Variants in FAT2 observed in about 807,000 individuals in gnomAD.
FAT2 encodes the protein FAT atypical cadherin 2.
Under a neutral mutation model 295.3 loss-of-function variants are expected in FAT2, and 150 were observed. That is an observed-to-expected ratio of 0.51 (90% CI 0.44 to 0.58). The LOEUF (loss-of-function observed/expected upper bound fraction) is 0.58, where lower values mean the gene tolerates loss of function less well. Among genes scored for constraint, FAT2 ranks in the 20% least tolerant of loss-of-function variants. The pLI, the probability that FAT2 is intolerant of heterozygous loss-of-function variation, is 0.00. For synonymous variants in FAT2, 2,026 were observed against 2,150.3 expected (o/e 0.94, Z 1.60); for missense variants, 4,868 against 5,442.7 (o/e 0.89, Z 3.32).
At position 151,566,219 on chromosome 5, in the gene FAT2, G is replaced by C. The variant is rs369450146; in HGVS notation, c.2713C>G (p.Leu905Val). 1.5e-5 allele frequency: 25 copies of C among 1,614,058 alleles called. No homozygotes were observed. Among genetic ancestry groups the C allele is most frequent in the Non-Finnish European group, 1.9e-5 (22 of 1,180,044 alleles). Residue 905 changes from leucine to valine, a missense_variant, in exon 2 of 24, where the codon CTC becomes GTC. Leu to Val is a conservative substitution (Grantham distance 32, BLOSUM62 1). Transcript: ENST00000261800. ...ARDQPSKGHQ[L>V]FSVTDLIITL... is the part of the protein sequence containing the mutation. ...ATTATCAGGTCAGTGACAGAGAAGA[G>C]CTGGTGGCCTTTGCTGGGCTGATCC...
chr5:151,532,404 CACACA>C (rs1225740774), intron 13 of FAT2, among the ~76,000 whole-genome samples: 1 of 152,012 alleles, frequency 6.6e-6, no homozygotes, highest in Non-Finnish European at 1.5e-5. Context: ...CACACACACA[CACACA>C]CACACACACG....
rs2127641553 is a variant in FAT2 at position 151,563,374 on chromosome 5, G to A, written c.3525C>T (p.Asn1175=). 1 of 1,614,236 alleles carries A rather than the reference G, an allele frequency of 6.2e-7. No homozygotes were observed. The highest frequency in any genetic ancestry group is 8.5e-7 in the Non-Finnish European group (1 of 1,180,032). ...ATCCCATGTAGTTCCCACTGGTGAT[G>A]TTGAAGGTCAGCTTCCCTTTGGAGC... is the stretch of plus-strand genomic sequence containing the variant. ...DSSSKGKLTF[N]ITSGNYMGFF... The change falls in exon 3 of 24, where the codon AAC becomes AAT. Residue 1175 remains asparagine (N), a synonymous_variant. Coordinates refer to ENST00000261800, the MANE Select transcript of FAT2 (RefSeq NM_001447.3).
intron 1 of FAT2, among the ~76,000 whole-genome samples, chr5:151,585,055 T>C (rs1006727473): frequency 1.3e-5 from 2 of 152,186 alleles, no homozygotes; most frequent in Admixed American, 1.3e-4. Context: ...AATGAAATAA[T>C]TTAAGGTAAA....
intron 23 of FAT2, 46 bp downstream of exon 23, chr5:151,507,108 C>G (rs1362024414): frequency 2.0e-6 from 3 of 1,490,440 alleles, no homozygotes; most frequent in Non-Finnish European, 2.7e-6. Flanking sequence ...GAACCACCAC[C>G]CACTTCCATC....
chr5:151,507,015 G>T, intron 23 of FAT2, 139 bp downstream of exon 23: 1 of 715,346 alleles, frequency 1.4e-6, no homozygotes, highest in Non-Finnish European at 2.3e-6. Context: ...CTGTAATCTT[G>T]AACACATCTC....
At chr5:151,517,865 C>A in intron 19 of FAT2, 100 bp from the exon 20 acceptor site, 2 of 1,411,932 alleles carry the variant, frequency 1.4e-6, no homozygotes, top group Non-Finnish European at 2.0e-6. Flanking sequence ...CAGACAGAAT[C>A]ATTGCTCATA....
rs745505451 is a variant in FAT2, at chr5:151,521,847, C to T, written c.10746G>A (p.Ala3582=). 17 of 1,614,190 alleles carry T rather than the reference C, an allele frequency of 1.1e-5. No homozygotes were observed. The highest frequency in any genetic ancestry group is 1.6e-4 in the Middle Eastern group (1 of 6,062). The change falls in exon 19 of 24, where the codon GCG becomes GCA. Residue 3582 remains alanine, a synonymous_variant. Transcript: ENST00000261800. The stretch of plus-strand genomic sequence containing the variant: ...GGGCGGCGATAATCTTGCCATCAGG[C>T]GCACCCACTGAGAAGTGCCTGCCCA... ...ETLGRHFSVG[A]PDGKIIAAQG...
rs1467962442 is a variant in FAT2 at position 151,566,713 on chromosome 5, G to A, written c.2219C>T (p.Thr740Ile). Residue 740 changes from threonine to isoleucine, a missense_variant, in exon 2 of 24, where the codon ACT becomes ATT. Coordinates refer to ENST00000261800, the MANE Select transcript of FAT2 (RefSeq NM_001447.3). Reference protein sequence around the residue: ...INTPLARLAATDPDAGFNGKL... With the variant: ...INTPLARLAAIDPDAGFNGKL... Reference sequence around the variant, plus strand: ...GCCATTAAAACCAGCATCAGGGTCAGTGGCTGCTAGGCGGGCCAAGGGGGT... The same window carrying A: ...GCCATTAAAACCAGCATCAGGGTCAATGGCTGCTAGGCGGGCCAAGGGGGT... The A allele has an allele frequency of 6.2e-7, 1 of 1,614,196 alleles. No homozygotes were observed. The highest frequency in any genetic ancestry group is 1.1e-5 in the South Asian group (1 of 91,090).
intron 1 of FAT2, among the ~76,000 whole-genome samples, chr5:151,585,916 G>A (rs1759149898): frequency 6.6e-6 from 1 of 152,152 alleles, no homozygotes; most frequent in Admixed American, 6.5e-5. Flanking sequence ...TGTGTGATAG[G>A]TAGCATTATA....
At chr5:151,540,375 G>A (rs909900116) in intron 11 of FAT2, among the ~76,000 whole-genome samples, 192 bp downstream of exon 11, 1 of 150,402 alleles carries the variant, frequency 6.6e-6, no homozygotes, top group African/African-American at 2.5e-5. Context: ...CTGTTCTCCT[G>A]CCCCTCAATC....
intron 16 of FAT2, 33 bp from the exon 17 acceptor site, chr5:151,527,410 G>A: frequency 6.4e-7 from 1 of 1,552,716 alleles, no homozygotes; most frequent in Non-Finnish European, 8.7e-7. Context: ...GGTTAGCAAT[G>A]AGGTAGCTGT....
chr5:151,580,995 C>T (rs1254275328), intron 1 of FAT2, among the ~76,000 whole-genome samples: 2 of 152,128 alleles, frequency 1.3e-5, no homozygotes, highest in Admixed American at 6.5e-5. Context: ...TGTTCCCTTC[C>T]GTGAGCCCAT....
rs1303993914 is a variant in FAT2 at position 151,565,766 on chromosome 5, C to T, written c.3166G>A (p.Ala1056Thr). Residue 1056 changes from alanine (A) to threonine (T), a missense_variant, in exon 2 of 24, where the codon GCC (alanine) becomes ACC (threonine). This residue lies in a region of FAT2 where 3,297 missense variants were observed against 3,669.4 expected (regional missense o/e 0.90). Transcript: ENST00000261800. Reference protein sequence around the residue: ...PSGTQVIVVAAQDDDSGLDGE... With the variant: ...PSGTQVIVVATQDDDSGLDGE... ...TCCAAGCCACTGTCATCGTCCTGGGCAGCCACTACAATCACCTGAGTTCCC... is the reference window on the plus strand; with the variant it reads ...TCCAAGCCACTGTCATCGTCCTGGGTAGCCACTACAATCACCTGAGTTCCC... 3 of 1,612,908 alleles carry T rather than the reference C, an allele frequency of 1.9e-6. No homozygotes were observed. The highest frequency in any genetic ancestry group is 2.5e-6 in the Non-Finnish European group (3 of 1,179,490).
intron 23 of FAT2, 146 bp downstream of exon 23, chr5:151,507,008 T>C: frequency 1.5e-6 from 1 of 674,958 alleles, no homozygotes; most frequent in South Asian, 2.1e-5. Context: ...CCGTGCCCTG[T>C]AATCTTGAAC....
rs866457441 is a variant in FAT2 at position 151,518,101 on chromosome 5, C to T, written c.11318-336G>A. Among the ~76,000 whole-genome samples the T allele has an allele frequency of 3.3e-5, 5 of 152,062 alleles. No homozygotes were observed. The East Asian group carries it at 7.7e-4, about 23-fold the overall frequency. On this transcript the variant is annotated intron_variant, in intron 19 of 23. Coordinates refer to ENST00000261800, the MANE Select transcript of FAT2 (RefSeq NM_001447.3). ...ATCCCAGCACTTTGGGAGGCTGTGGCGGGAGGATCACCTGAACCCAGAAGT... is the reference window on the plus strand; with the variant it reads ...ATCCCAGCACTTTGGGAGGCTGTGGTGGGAGGATCACCTGAACCCAGAAGT...
chr5:151,538,939 G>A (rs534630058), intron 11 of FAT2, among the ~76,000 whole-genome samples: 4 of 152,086 alleles, frequency 2.6e-5, no homozygotes, highest in Non-Finnish European at 5.9e-5. Context: ...GCCTGCCTCG[G>A]CCTCCCAAAG....
rs1208370216 is a variant in FAT2, at chr5:151,549,482, G to C, written c.4602C>G (p.Ile1534Met). 6.2e-7 allele frequency: 1 copy of C among 1,614,194 alleles called. No homozygotes were observed. Among genetic ancestry groups the C allele is most frequent in the South Asian group, 1.1e-5 (1 of 91,082 alleles). The change falls in exon 9 of 24, where the codon ATC (isoleucine) becomes ATG (methionine). Residue 1534 changes from isoleucine to methionine, a missense_variant. Ile to Met is a conservative substitution (Grantham distance 10). Coordinates refer to ENST00000261800, the MANE Select transcript of FAT2 (RefSeq NM_001447.3). ...TGGTCACCCACACGAAGTTCCTCTT[G>C]ATAGGTATTTCCTGGTCTCGGACCT... The part of the protein sequence containing the change: ...TVMVRDQEIP[I>M]KRNFVWVTIH...
In FAT2 at chr5:151,551,457, G is replaced by A; in HGVS notation, c.4296+10C>T. 2 of 1,613,272 alleles carry A rather than the reference G, an allele frequency of 1.2e-6. No individual in the cohort carries two copies. Among genetic ancestry groups the A allele is most frequent in the Non-Finnish European group, 1.7e-6 (2 of 1,179,710 alleles). On this transcript the variant is annotated intron_variant, in intron 7 of 23. Coordinates refer to ENST00000261800, the MANE Select transcript of FAT2 (RefSeq NM_001447.3). ...TCTCAATACAGGGGTCCCCAGCCGA[G>A]GCCTCTAACCTGTGTGGCAATGGTG...
At chr5:151,577,772 C>T (rs960269299) in intron 1 of FAT2, among the ~76,000 whole-genome samples, 4 of 152,056 alleles carry the variant, frequency 2.6e-5, no homozygotes, top group African/African-American at 4.8e-5. Flanking sequence ...CAATGAGGCC[C>T]AAAGAGAGGA....
Sources: gnomAD v4.1 joint callset for allele counts (sites outside exome capture counted in the v4.1 genomes callset) on GRCh38, gnomAD v4.1.1 for gene constraint, gnomAD v4.1.1 regional missense constraint, MANE v1.5 for transcripts, NCBI Gene and HGNC (gene_info 2026-07-23, HGNC 2026-07-21) for gene names.